Variants in KNTC1 observed in about 807,000 individuals in gnomAD.
The protein encoded by KNTC1 is kinetochore-associated protein 1.
Under a neutral mutation model 314.4 loss-of-function variants are expected in KNTC1, and 253 were observed. That is an observed-to-expected ratio of 0.80 (90% CI 0.73 to 0.89). KNTC1 has a LOEUF of 0.89. Among genes scored for constraint, KNTC1 ranks in the 40% least tolerant of loss-of-function variants. The pLI, the probability that KNTC1 is intolerant of heterozygous loss-of-function variation, is 0.00. For synonymous variants in KNTC1, 901 were observed against 901.4 expected (o/e 1.00, Z 0.01); for missense variants, 2,475 against 2,572.9 (o/e 0.96, Z 0.82).
At chr12:122,563,834 C>A (rs531734424) in intron 20 of KNTC1, 25 of 1,440,592 alleles carry the variant, frequency 1.7e-5, no homozygotes, top group Non-Finnish European at 2.1e-5. Flanking sequence ...AAGACTTCAA[C>A]AGAAGGAGAC....
Position 122,562,574 on chromosome 12 carries a change from T to C in KNTC1, c.1543-64T>C, listed in dbSNP as rs1593547308. The C allele has an allele frequency of 3.0e-6, 3 of 993,404 alleles. No homozygotes were observed. In the East Asian group the frequency reaches 7.8e-5, roughly 26 times the overall value. 61.5% of individuals were successfully genotyped at this position (993,404 alleles called of 1,614,324 possible). A position where few individuals can be genotyped will look rare whatever the true frequency, so the allele number is the denominator to read the frequency against. On this transcript the variant is annotated intron_variant, in intron 19 of 63. Coordinates refer to ENST00000333479, the MANE Select transcript of KNTC1 (RefSeq NM_014708.6). Reference sequence around the variant, plus strand: ...GACATGTGAAATGTAATGATTCATTTTTAATGTTTTAATTTCAATATTGTT... The same window carrying C: ...GACATGTGAAATGTAATGATTCATTCTTAATGTTTTAATTTCAATATTGTT...
In KNTC1 at chr12:122,588,766, GAA is replaced by G; in HGVS notation, c.3953_3954del (p.Lys1318SerfsTer18). The G allele has an allele frequency of 6.4e-7, 1 of 1,567,044 alleles. No homozygotes were observed. The highest frequency in any genetic ancestry group is 8.7e-7 in the Non-Finnish European group (1 of 1,155,668). ...AAGGCATGTTGTTATGGAATTGAAAGAAAAAGCTGTTATATTTATCAGGGAAA... is the reference window on the plus strand; with the variant it reads ...AAGGCATGTTGTTATGGAATTGAAAGAAAGCTGTTATATTTATCAGGGAAA... ...KSRHVVMELK[E>X]KAVIFIRENA... On this transcript the variant is annotated frameshift_variant, in exon 40 of 64. Transcript: ENST00000333479.
At chr12:122,614,075 C>T (rs1433539556) in intron 55 of KNTC1, among the ~76,000 whole-genome samples, 1 of 152,126 alleles carries the variant, frequency 6.6e-6, no homozygotes, top group African/African-American at 2.4e-5. Context: ...AGGTGATCCA[C>T]CCACCTGGGC....
At chr12:122,562,919 G>C (rs1474543535) in intron 20 of KNTC1, among the ~76,000 whole-genome samples, 1 of 151,904 alleles carries the variant, frequency 6.6e-6, no homozygotes, top group Admixed American at 6.6e-5. Context: ...TGAGACAGGA[G>C]AGTCACTTGA....
At chr12:122,538,219 G>C (rs1962001041) in intron 3 of KNTC1, 120 bp from the exon 4 acceptor site, 1 of 609,138 alleles carries the variant, frequency 1.6e-6, no homozygotes, top group East Asian at 2.8e-5. Flanking sequence ...CATCTGTTTT[G>C]CAGTATTTAG....
At position 122,572,318 on chromosome 12, in the gene KNTC1, C is replaced by T. The variant is rs145765621; in HGVS notation, c.2020-619C>T. On this transcript the variant is annotated intron_variant, in intron 24 of 63. Coordinates refer to ENST00000333479, the MANE Select transcript of KNTC1 (RefSeq NM_014708.6). ...CCTGCGGCAGGAGAATCGCTTGAAA[C>T]GGGGAGGCAGAGGTTGCAGTGAGCC... Among the ~76,000 whole-genome samples, 145 of 152,052 alleles carry T rather than the reference C, an allele frequency of 9.5e-4. 1 individual carries two copies. Among genetic ancestry groups the T allele is most frequent in the African/African-American group, 3.3e-3 (139 of 41,496 alleles).
chr12:122,604,100 G>C (rs1872301602), intron 48 of KNTC1, among the ~76,000 whole-genome samples: 1 of 148,272 alleles, frequency 6.7e-6, no homozygotes, highest in Non-Finnish European at 1.5e-5. Flanking sequence ...CACACACACA[G>C]AAAACTCCTA....
intron 48 of KNTC1, 65 bp from the exon 49 acceptor site, chr12:122,604,499 A>G: frequency 1.0e-6 from 1 of 979,608 alleles, no homozygotes; most frequent in South Asian, 1.7e-5. Context: ...ACCAAAATAC[A>G]TTTTCTTGAA....
At position 122,580,531 on chromosome 12, in the gene KNTC1, T is replaced by C. The variant is rs993959244; in HGVS notation, c.2915-72T>C. On this transcript the variant is annotated intron_variant, in intron 32 of 63. Transcript: ENST00000333479. ...ATGAGAGAACCAAAGCTAATTAAAA[T>C]TTCTTCTTTTTAAAATTCTGATAAT... is the stretch of plus-strand genomic sequence containing the variant. The C allele has an allele frequency of 1.3e-5, 12 of 933,384 alleles. No individual in the cohort carries two copies. The Admixed American group carries it at 2.8e-4, about 22-fold the overall frequency. The allele number at this position is 933,384 out of a possible 1,614,324, so 57.8% of individuals were successfully genotyped here. A position where few individuals can be genotyped will look rare whatever the true frequency, so the allele number is the denominator to read the frequency against.
chr12:122,620,909 C>A (rs1171561455), intron 60 of KNTC1, among the ~76,000 whole-genome samples: 2 of 152,172 alleles, frequency 1.3e-5, no homozygotes, highest in Non-Finnish European at 2.9e-5. Flanking sequence ...AACCCATTAA[C>A]CCATGTAGGC....
Position 122,580,503 on chromosome 12 carries a change from G to A in KNTC1, c.2915-100G>A. The A allele has an allele frequency of 4.3e-6, 3 of 690,386 alleles. No individual in the cohort carries two copies. In the South Asian group the frequency reaches 5.4e-5, roughly 12 times the overall value. 42.8% of individuals were successfully genotyped at this position (690,386 alleles called of 1,614,324 possible). A position where few individuals can be genotyped will look rare whatever the true frequency, so the allele number is the denominator to read the frequency against. ...ATTTGAGAAGAACTACTGAAGACTTGAGATGAGAGAACCAAAGCTAATTAA... is the reference window on the plus strand; with the variant it reads ...ATTTGAGAAGAACTACTGAAGACTTAAGATGAGAGAACCAAAGCTAATTAA... On this transcript the variant is annotated intron_variant, in intron 32 of 63. Coordinates refer to ENST00000333479, the MANE Select transcript of KNTC1 (RefSeq NM_014708.6).
intron 33 of KNTC1, among the ~76,000 whole-genome samples, chr12:122,581,100 C>T (rs1401638593): frequency 4.6e-5 from 7 of 151,660 alleles, no homozygotes; most frequent in African/African-American, 1.7e-4. Flanking sequence ...CTCTCTCTCT[C>T]TCTCTCAACA....
At chr12:122,529,882 A>G in intron 1 of KNTC1, 109 bp from the exon 2 acceptor site, 1 of 518,518 alleles carries the variant, frequency 1.9e-6, no homozygotes, top group Non-Finnish European at 3.3e-6. Flanking sequence ...TAGTGGCCAC[A>G]GCAATAACAA....
At position 122,606,464 on chromosome 12, in the gene KNTC1, CGCCTTG is replaced by C. The variant is rs977330089; in HGVS notation, c.5496+1054_5496+1059del. The stretch of plus-strand genomic sequence containing the variant: ...AACTCCCGACCTCAGGTGATCCGCC[CGCCTTG>C]GCCTCCCAAAGTGTTGGGATTACAG... On this transcript the variant is annotated intron_variant, in intron 51 of 63. Transcript: ENST00000333479. Among the ~76,000 whole-genome samples, 6 of 151,894 alleles carry C rather than the reference CGCCTTG, an allele frequency of 4.0e-5. No homozygotes were observed. The South Asian group carries it at 1.0e-3, about 26-fold the overall frequency.
chr12:122,560,090 AT>A (rs1273492582), intron 18 of KNTC1, among the ~76,000 whole-genome samples: 2 of 152,180 alleles, frequency 1.3e-5, no homozygotes, highest in African/African-American at 4.8e-5. Context: ...AAATGGAATC[AT>A]TTAATCATTT....
chr12:122,536,154 C>T (rs1380687364), intron 3 of KNTC1, among the ~76,000 whole-genome samples: 4 of 151,598 alleles, frequency 2.6e-5, no homozygotes, highest in Admixed American at 6.6e-5. Flanking sequence ...CTGCCTGCCT[C>T]GGCCTCCCAA....
chr12:122,617,348 ACTC>A lies in KNTC1; in HGVS notation c.6031-991_6031-989del, dbSNP rs1244236940. Reference sequence around the variant, plus strand: ...AAAATATACCTGAAGTTACTTAACCACTCCTCTATTGATGGAAGTTTACATTTT... The same window carrying A: ...AAAATATACCTGAAGTTACTTAACCACTCTATTGATGGAAGTTTACATTTT... On this transcript the variant is annotated intron_variant, in intron 57 of 63. Coordinates refer to ENST00000333479, the MANE Select transcript of KNTC1 (RefSeq NM_014708.6). 4 of 428,924 alleles carry A rather than the reference ACTC, an allele frequency of 9.3e-6. No individual in the cohort carries two copies. The East Asian group carries it at 3.0e-4, about 32-fold the overall frequency. The allele number at this position is 428,924 out of a possible 1,614,324, so 26.6% of individuals were successfully genotyped here.
intron 12 of KNTC1, among the ~76,000 whole-genome samples, chr12:122,549,444 G>A (rs1963034893): frequency 6.6e-6 from 1 of 151,926 alleles, no homozygotes; most frequent in Non-Finnish European, 1.5e-5. Context: ...CCGTCTCCTG[G>A]GTTCCAGAGA....
chr12:122,570,751 ACAAT>A, intron 22 of KNTC1, 121 bp from the exon 23 acceptor site: 1 of 685,930 alleles, frequency 1.5e-6, no homozygotes, highest in Admixed American at 2.8e-5. Flanking sequence ...AGCAAAAAAG[ACAAT>A]CGTGGATAAG....
Sources: allele counts gnomAD v4.1 joint callset (sites outside exome capture counted in the v4.1 genomes callset), GRCh38; gene constraint gnomAD v4.1.1; transcripts MANE v1.5; gene names NCBI Gene and HGNC (gene_info 2026-07-23, HGNC 2026-07-21).